The following ZNF236 variants were observed in gnomAD, a reference collection of about 807,000 sequenced individuals.
ZNF236 encodes regulated by glucose.
In ZNF236, 50 loss-of-function variants were observed where a neutral mutation model predicts 191.2. The observed-to-expected ratio is 0.26, with a 90% CI of 0.21 to 0.33. ZNF236 has a LOEUF of 0.33. ZNF236 is among the 10% of genes least tolerant of loss of function. The pLI is 1.00. For synonymous variants in ZNF236, 907 were observed against 928.8 expected (o/e 0.98, Z 0.43); for missense variants, 1,754 against 2,374.5 (o/e 0.74, Z 5.43).
chr18:76,918,283 C>T (rs566835926), intron 19 of ZNF236, among the ~76,000 whole-genome samples: 4 of 152,228 alleles, frequency 2.6e-5, no homozygotes, highest in Non-Finnish European at 5.9e-5. Flanking sequence ...TTCCTGGACT[C>T]CTGAGGACAC....
At chr18:76,827,492 T>C (rs1975052291) in intron 1 of ZNF236, among the ~76,000 whole-genome samples, 1 of 152,226 alleles carries the variant, frequency 6.6e-6, no homozygotes, top group Admixed American at 6.5e-5. Flanking sequence ...GCTGAACAAC[T>C]ATTTTTAGAG....
Position 76,908,428 on chromosome 18 carries a change from C to A in ZNF236, c.2406C>A (p.Ile802=). 1 of 1,614,202 alleles carries A rather than the reference C, an allele frequency of 6.2e-7. No homozygotes were observed. Among genetic ancestry groups the A allele is most frequent in the East Asian group, 2.2e-5 (1 of 44,886 alleles). ...CCTCCACTCAAATGCAGGTGGAGAT[C>A]GAGAGCGACGAGCTGCCGCAGACGG... is the stretch of plus-strand genomic sequence containing the variant. The part of the protein sequence containing the change: ...MQASTQMQVE[I]ESDELPQTAE... Residue 802 remains isoleucine (I), a synonymous_variant, in exon 14 of 31, where the codon ATC becomes ATA. Transcript: ENST00000320610.
Position 76,881,314 on chromosome 18 carries a change from A to T in ZNF236, c.1219A>T (p.Ile407Phe). 6.2e-7 allele frequency: 1 copy of T among 1,614,166 alleles called. No homozygotes were observed. The highest frequency in any genetic ancestry group is 8.5e-7 in the Non-Finnish European group (1 of 1,180,034). The change falls in exon 9 of 31, where the codon ATT (isoleucine) becomes TTT (phenylalanine). Residue 407 changes from isoleucine to phenylalanine, a missense_variant. Coordinates refer to ENST00000320610, the MANE Select transcript of ZNF236 (RefSeq NM_001306089.2). ...QALENSGLSS[I>F]PAAAHPNDSC... ...CTTAGAAAACAGTGGGCTGTCTTCA[A>T]TTCCAGCTGCAGCACATCCTAATGA... is the stretch of plus-strand genomic sequence containing the variant.
intron 27 of ZNF236, among the ~76,000 whole-genome samples, chr18:76,948,930 T>C (rs936724057): frequency 2.6e-5 from 4 of 152,106 alleles, no homozygotes; most frequent in African/African-American, 9.7e-5. Flanking sequence ...AGGTTCTGGG[T>C]ATGAAATACA....
chr18:76,914,458 ACT>A (rs1310786259), intron 18 of ZNF236, among the ~76,000 whole-genome samples: 1 of 152,092 alleles, frequency 6.6e-6, no homozygotes, highest in Non-Finnish European at 1.5e-5. Flanking sequence ...TCATATGTTA[ACT>A]CTGTTAAAAC....
intron 1 of ZNF236, 73 bp from the exon 2 acceptor site, chr18:76,849,453 C>A: frequency 7.8e-7 from 1 of 1,287,518 alleles, no homozygotes; most frequent in Non-Finnish European, 1.0e-6. Context: ...AAACAATAAC[C>A]AATAATTTGG....
Position 76,828,609 on chromosome 18 carries a change from A to G in ZNF236, c.55+5947A>G, listed in dbSNP as rs1975078691. ...TCTAACAATATCAGGTGTCTATCCA[A>G]GGATGAAACCCTCCACTCTCCATAA... is the stretch of plus-strand genomic sequence containing the variant. On this transcript the variant is annotated intron_variant, in intron 1 of 30. Coordinates refer to ENST00000320610, the MANE Select transcript of ZNF236 (RefSeq NM_001306089.2). Among the ~76,000 whole-genome samples, 3 of 152,246 alleles carry G rather than the reference A, an allele frequency of 2.0e-5. No homozygotes were observed. The South Asian group carries it at 6.2e-4, about 31-fold the overall frequency.
intron 4 of ZNF236, among the ~76,000 whole-genome samples, chr18:76,870,469 C>G (rs1401687342): frequency 6.6e-6 from 1 of 152,198 alleles, no homozygotes; most frequent in Non-Finnish European, 1.5e-5. Flanking sequence ...GTCCTGGCTT[C>G]TAGGTCTTTC....
chr18:76,836,917 C>T (rs1470359043), intron 1 of ZNF236, among the ~76,000 whole-genome samples: 1 of 151,922 alleles, frequency 6.6e-6, no homozygotes, highest in Non-Finnish European at 1.5e-5. Flanking sequence ...GCTCTGATGC[C>T]CAGGCTGGAG....
intron 9 of ZNF236, among the ~76,000 whole-genome samples, chr18:76,891,957 T>C (rs1977250373): frequency 6.6e-6 from 1 of 152,134 alleles, no homozygotes; most frequent in Admixed American, 6.5e-5. Flanking sequence ...TTTTCACATA[T>C]TTATTTTTCA....
intron 30 of ZNF236, among the ~76,000 whole-genome samples, chr18:76,965,920 C>G (rs1411575832): frequency 1.3e-5 from 2 of 152,196 alleles, no homozygotes; most frequent in African/African-American, 2.4e-5. Context: ...TAGGGAGGAA[C>G]AGGTGGTGGG....
intron 26 of ZNF236, among the ~76,000 whole-genome samples, chr18:76,943,026 G>A (rs1232247689): frequency 6.7e-6 from 1 of 150,180 alleles, no homozygotes; most frequent in Non-Finnish European, 1.5e-5. Context: ...GGGAGGCTGA[G>A]GCAGGAGAAT....
intron 25 of ZNF236, among the ~76,000 whole-genome samples, chr18:76,928,679 G>T (rs9957607): frequency 0.027 from 4,093 of 152,168 alleles, 168 homozygotes; most frequent in African/African-American, 0.091. Context: ...TATGCTGCTC[G>T]CATTCTGACT....
At chr18:76,826,799 C>CA (rs376683576) in intron 1 of ZNF236, among the ~76,000 whole-genome samples, 25,604 of 98,252 alleles carry the variant, frequency 0.26, 2,370 homozygotes, top group Middle Eastern at 0.35. Context: ...GACTCAGTCT[C>CA]AAAAAAAAAA....
rs370208362 is a variant in ZNF236 at position 76,939,993 on chromosome 18, T to G, written c.4782+2650T>G. ...CACTGCATTTGGGAACACGGTGGGC[T>G]ACCCTAGCACTGCATTTGGGAACAC... is the stretch of plus-strand genomic sequence containing the variant. On this transcript the variant is annotated intron_variant, in intron 26 of 30. Coordinates refer to ENST00000320610, the MANE Select transcript of ZNF236 (RefSeq NM_001306089.2). Among the ~76,000 whole-genome samples the G allele has an allele frequency of 2.5e-4, 32 of 125,766 alleles. No individual in the cohort carries two copies. In the South Asian group the frequency reaches 6.8e-3, roughly 27 times the overall value. The allele number at this position is 125,766 out of a possible 152,430, so 82.5% of individuals were successfully genotyped here.
At chr18:76,847,683 A>T (rs923975071) in intron 1 of ZNF236, among the ~76,000 whole-genome samples, 5 of 151,912 alleles carry the variant, frequency 3.3e-5, no homozygotes, top group Non-Finnish European at 5.9e-5. Flanking sequence ...GTTAGCCAGG[A>T]TGGTCTTGAT....
At chr18:76,830,686 G>T (rs1396077904) in intron 1 of ZNF236, among the ~76,000 whole-genome samples, 2 of 152,176 alleles carry the variant, frequency 1.3e-5, no homozygotes, top group Admixed American at 6.5e-5. Context: ...GCAAGTTTAC[G>T]AATTTGTGTT....
At chr18:76,920,145 G>T (rs779343972) in intron 20 of ZNF236, 87 bp downstream of exon 20, 13 of 1,461,258 alleles carry the variant, frequency 8.9e-6, no homozygotes. Flanking sequence ...ACTGCAGCAG[G>T]GCCATTAGTT....
At chr18:76,914,079 G>A (rs972773661) in intron 18 of ZNF236, among the ~76,000 whole-genome samples, 181 bp downstream of exon 18, 3 of 152,180 alleles carry the variant, frequency 2.0e-5, no homozygotes, top group African/African-American at 7.2e-5. Context: ...ACACATAAAA[G>A]AAACTCTGTA....
Sources: gnomAD v4.1 joint callset for allele counts (sites outside exome capture counted in the v4.1 genomes callset) on GRCh38, gnomAD v4.1.1 for gene constraint, MANE v1.5 for transcripts, NCBI Gene and HGNC (gene_info 2026-07-23, HGNC 2026-07-21) for gene names.